SCN3B: variants seen among roughly 807,000 people sequenced by gnomAD.
SCN3B encodes sodium voltage-gated channel beta subunit 3.
In SCN3B, 11 loss-of-function variants were observed where a neutral mutation model predicts 25.4. The observed-to-expected ratio is 0.43, with a 90% CI of 0.27 to 0.72. The LOEUF (loss-of-function observed/expected upper bound fraction) is 0.72, where lower values mean the gene tolerates loss of function less well. SCN3B is among the 30% of genes least tolerant of loss of function. The pLI, the probability that SCN3B is intolerant of heterozygous loss-of-function variation, is 0.18. For missense variants in SCN3B, 218 were observed against 278.3 expected, an observed-to-expected ratio of 0.78 and a Z score of 1.54; for synonymous variants, 109 against 110.7, an observed-to-expected ratio of 0.99 and a Z score of 0.09.
intron 2 of SCN3B, among the ~76,000 whole-genome samples, chr11:123,651,413 G>A (rs1591350999): frequency 1.3e-5 from 2 of 151,880 alleles, no homozygotes; most frequent in African/African-American, 2.4e-5. Context: ...GCCCACGCTG[G>A]AGTGCAGTGG....
At chr11:123,643,292 A>G (rs1282401995) in intron 3 of SCN3B, among the ~76,000 whole-genome samples, 4 of 152,222 alleles carry the variant, frequency 2.6e-5, no homozygotes, top group Non-Finnish European at 5.9e-5. Flanking sequence ...CCAGAGAGGC[A>G]CACGTCACAT....
At chr11:123,636,681 A>G (rs376873467) in intron 5 of SCN3B, among the ~76,000 whole-genome samples, 1 of 136,646 alleles carries the variant, frequency 7.3e-6, no homozygotes, top group East Asian at 2.2e-4. Flanking sequence ...TCTCTCCTCC[A>G]TTCTCTGTTC....
In SCN3B at chr11:123,633,515, T is replaced by C. The variant is rs1240369944; in HGVS notation, c.*284A>G. ...GAAATCCAGTTGGCTTTGGAGTGTC[T>C]TGTTGGAAAACTAGGAGAGGGTGAG... On this transcript the variant is annotated 3_prime_UTR_variant, in exon 7 of 7. Transcript: ENST00000299333. 1 of 157,880 alleles carries C rather than the reference T, an allele frequency of 6.3e-6. No individual in the cohort carries two copies. Among genetic ancestry groups the C allele is most frequent in the Admixed American group, 6.0e-5 (1 of 16,664 alleles). 9.8% of individuals were successfully genotyped at this position (157,880 alleles called of 1,614,324 possible). A position where few individuals can be genotyped will look rare whatever the true frequency, so the allele number is the denominator to read the frequency against.
In SCN3B at chr11:123,642,392, C is replaced by T; in HGVS notation, c.445+54G>A. On this transcript the variant is annotated intron_variant, in intron 4 of 6. Transcript: ENST00000299333. This position sits in a 1 kb window ranked among gnomAD's most constrained non-coding sequence, Gnocchi z 4.3. ...ACTCGTGGAAAACTGCTGTCCTACC[C>T]TTCCCTGTCCACAGAGAGCAGGACG... 6.4e-7 allele frequency: 1 copy of T among 1,565,784 alleles called. No individual in the cohort carries two copies. Among genetic ancestry groups the T allele is most frequent in the Non-Finnish European group, 8.8e-7 (1 of 1,136,420 alleles).
intron 2 of SCN3B, among the ~76,000 whole-genome samples, chr11:123,649,683 C>T (rs866922302): frequency 1.5e-4 from 22 of 142,126 alleles, no homozygotes; most frequent in Middle Eastern, 3.5e-3. Context: ...TTTCCTCTCT[C>T]TCTCTCTGTC....
intron 1 of SCN3B, 188 bp downstream of exon 1, chr11:123,654,038 T>C: frequency 1.7e-6 from 1 of 583,050 alleles, no homozygotes. Flanking sequence ...AGGGAGCCGA[T>C]CAGCCGCTCC....
intron 5 of SCN3B, among the ~76,000 whole-genome samples, chr11:123,637,615 G>A (rs1002577381): frequency 2.6e-5 from 4 of 152,026 alleles, no homozygotes; most frequent in African/African-American, 7.2e-5. Flanking sequence ...TGCAACCTCC[G>A]CCTCCCAGGT....
In SCN3B at chr11:123,633,287, G is replaced by GTTT. The variant is rs1400194420; in HGVS notation, c.*511_*512insAAA. On this transcript the variant is annotated 3_prime_UTR_variant, in exon 7 of 7. Coordinates refer to ENST00000299333, the MANE Select transcript of SCN3B (RefSeq NM_001040151.2). ...TTCACTCTGATGCTGTAGCAAAGTG[G>GTTT]GCCATGAACCTGACAAAACTGACTT... The GTTT allele has an allele frequency of 6.6e-6, 1 of 152,186 alleles. No individual in the cohort carries two copies. The highest frequency in any genetic ancestry group is 1.5e-5 in the Non-Finnish European group (1 of 68,056). The allele number at this position is 152,186 out of a possible 1,614,324, so 9.4% of individuals were successfully genotyped here.
intron 2 of SCN3B, 119 bp downstream of exon 2, chr11:123,653,628 G>A (rs1955957569): frequency 8.6e-7 from 1 of 1,165,188 alleles, no homozygotes; most frequent in East Asian, 2.3e-5. Context: ...ATGTCTGGCA[G>A]ATACGCACAG....
At position 123,635,787 on chromosome 11, in the gene SCN3B, G is replaced by A. The variant is rs569284611; in HGVS notation, c.585-1581C>T. Among the ~76,000 whole-genome samples, 4 of 152,226 alleles carry A rather than the reference G, an allele frequency of 2.6e-5. No individual in the cohort carries two copies. In the South Asian group the frequency reaches 6.2e-4, roughly 24 times the overall value. ...CTCTTTCTTTGAAATGGTTTAGACC[G>A]AGGGTGGGCAAACTGTGGCCTAAGA... On this transcript the variant is annotated intron_variant, in intron 5 of 6. Transcript: ENST00000299333.
At chr11:123,636,843 G>A (rs1304542827) in intron 5 of SCN3B, among the ~76,000 whole-genome samples, 1 of 151,912 alleles carries the variant, frequency 6.6e-6, no homozygotes, top group African/African-American at 2.4e-5. Flanking sequence ...ACAGGCACCC[G>A]CCACCATGCC....
Position 123,653,819 on chromosome 11 carries a change from T to G in SCN3B, c.-18A>C. 6.2e-7 allele frequency: 1 copy of G among 1,614,084 alleles called. No homozygotes were observed. Among genetic ancestry groups the G allele is most frequent in the Non-Finnish European group, 8.5e-7 (1 of 1,179,962 alleles). On this transcript the variant is annotated 5_prime_UTR_variant, in exon 2 of 7. Transcript: ENST00000299333. The stretch of plus-strand genomic sequence containing the variant: ...GCAGGCATCTTCTGGGGCTGGCGGC[T>G]TCCAAGGCTACACAGAGAGATTCCC...
At chr11:123,649,007 A>T (rs1591349695) in intron 2 of SCN3B, among the ~76,000 whole-genome samples, 1 of 152,284 alleles carries the variant, frequency 6.6e-6, no homozygotes, top group African/African-American at 2.4e-5. Flanking sequence ...AGATCATATG[A>T]TCTGATGCTG....
chr11:123,653,574 T>C lies in SCN3B; in HGVS notation c.55+173A>G, dbSNP rs72552182. On this transcript the variant is annotated intron_variant, in intron 2 of 6. Coordinates refer to ENST00000299333, the MANE Select transcript of SCN3B (RefSeq NM_001040151.2). ...GGGAAGGGCGGTGGGGAGGCGCCTT[T>C]CCCATCTCAAAATCCCAGCTCTCAT... is the stretch of plus-strand genomic sequence containing the variant. Among the ~76,000 whole-genome samples, 214 of 152,132 alleles carry C rather than the reference T, an allele frequency of 1.4e-3. 2 individuals are homozygous for C. In the South Asian group the frequency reaches 0.018, roughly 13 times the overall value.
rs988405275 is a variant in SCN3B, at chr11:123,642,802, C to T, written c.220-131G>A. The T allele has an allele frequency of 1.8e-4, 135 of 737,766 alleles. No homozygotes were observed. Among genetic ancestry groups the T allele is most frequent in the Non-Finnish European group, 1.7e-4 (70 of 418,696 alleles). 45.7% of individuals were successfully genotyped at this position (737,766 alleles called of 1,614,324 possible). ...CAGGGAAGAGAGGGGACAATGCCAC[C>T]GGGAGACCCAGAATGTGGGGGTGGG... On this transcript the variant is annotated intron_variant, in intron 3 of 6. Coordinates refer to ENST00000299333, the MANE Select transcript of SCN3B (RefSeq NM_001040151.2). This position sits in a 1 kb window ranked among gnomAD's most constrained non-coding sequence, Gnocchi z 4.3.
At chr11:123,634,450 G>T (rs1167672640) in intron 5 of SCN3B, among the ~76,000 whole-genome samples, 1 of 152,222 alleles carries the variant, frequency 6.6e-6, no homozygotes, top group African/African-American at 2.4e-5. Context: ...TCAGCATTTA[G>T]TTAGATTATT....
Position 123,631,293 on chromosome 11 carries a change from G to C in SCN3B, c.*2506C>G, listed in dbSNP as rs1478008937. The C allele has an allele frequency of 6.6e-6, 1 of 151,892 alleles. No homozygotes were observed. The highest frequency in any genetic ancestry group is 1.5e-5 in the Non-Finnish European group (1 of 67,990). The allele number at this position is 151,892 out of a possible 1,614,324, so 9.4% of individuals were successfully genotyped here. On this transcript the variant is annotated 3_prime_UTR_variant, in exon 7 of 7. Coordinates refer to ENST00000299333, the MANE Select transcript of SCN3B (RefSeq NM_001040151.2). ...TTCAACTTAGATACACGAGCTATTG[G>C]GCCACCGAGGAAAACGGTGTGGTAG... is the stretch of plus-strand genomic sequence containing the variant.
chr11:123,637,777 G>A (rs375137526), intron 5 of SCN3B, among the ~76,000 whole-genome samples: 5 of 152,106 alleles, frequency 3.3e-5, no homozygotes, highest in Middle Eastern at 3.4e-3. Context: ...TGATCCTCCC[G>A]CCTCAGCCTC....
rs1346324517 is a variant in SCN3B at position 123,653,642 on chromosome 11, C to T, written c.55+105G>A. On this transcript the variant is annotated intron_variant, in intron 2 of 6. Coordinates refer to ENST00000299333, the MANE Select transcript of SCN3B (RefSeq NM_001040151.2). ...CATGTCTGGCAGATACGCACAGAGGCAAGCCAGCCAGAGCTCTTTTCTGTC... is the reference window on the plus strand; with the variant it reads ...CATGTCTGGCAGATACGCACAGAGGTAAGCCAGCCAGAGCTCTTTTCTGTC... 4 of 1,362,100 alleles carry T rather than the reference C, an allele frequency of 2.9e-6. No individual in the cohort carries two copies. In the Admixed American group the frequency reaches 5.0e-5, roughly 17 times the overall value. 84.4% of individuals were successfully genotyped at this position (1,362,100 alleles called of 1,614,324 possible).
Sources: gnomAD v4.1 joint callset for allele counts (sites outside exome capture counted in the v4.1 genomes callset) on GRCh38, gnomAD v4.1.1 for gene constraint, Gnocchi (gnomAD v3.1) non-coding constraint, MANE v1.5 for transcripts, NCBI Gene and HGNC (gene_info 2026-07-23, HGNC 2026-07-21) for gene names.